The following PREX1 variants were observed in gnomAD, a reference collection of about 807,000 sequenced individuals.
PREX1 encodes phosphatidylinositol-3,4,5-trisphosphate dependent Rac exchange factor 1, also known as phosphatidylinositol 3,4,5-trisphosphate-dependent Rac exchanger 1 protein.
PREX1 carries 41 observed loss-of-function variants against 198.3 expected under a neutral mutation model. The observed-to-expected ratio is 0.21, with a 90% CI of 0.16 to 0.27. The LOEUF is 0.27. Ranked by LOEUF, PREX1 falls within the 10% of genes least tolerant of loss-of-function variation. The pLI, the probability that PREX1 is intolerant of heterozygous loss-of-function variation, is 1.00. For missense variants in PREX1, 1,620 were observed against 2,200.7 expected (o/e 0.74, Z 5.28); for synonymous variants, 843 against 887.2 (o/e 0.95, Z 0.89).
At chr20:48,833,907 C>A in the PREX1 span, among the ~76,000 whole-genome samples, 1 of 152,078 alleles carries the variant, frequency 6.6e-6, no homozygotes, top group East Asian at 1.9e-4. Flanking sequence ...CACGGTGAAA[C>A]CCCATCTTTA....
chr20:48,856,592 C>A, the PREX1 span, among the ~76,000 whole-genome samples: 1 of 152,340 alleles, frequency 6.6e-6, no homozygotes, highest in Middle Eastern at 3.4e-3. Context: ...CTGAACCATC[C>A]CATTCCCAGG....
chr20:48,846,447 C>T, the PREX1 span, among the ~76,000 whole-genome samples: 61 of 152,206 alleles, frequency 4.0e-4, no homozygotes, highest in African/African-American at 1.4e-3. Context: ...GGGATGTCCT[C>T]GCTGTCTCCT....
chr20:48,709,631 G>A (rs562686575), intron 5 of PREX1, among the ~76,000 whole-genome samples: 3 of 152,204 alleles, frequency 2.0e-5, no homozygotes, highest in Non-Finnish European at 4.4e-5. Context: ...CTAAGGCCTC[G>A]AAGAAGTACA....
intron 1 of PREX1, among the ~76,000 whole-genome samples, chr20:48,755,978 C>G (rs1040756922): frequency 3.9e-5 from 6 of 152,232 alleles, no homozygotes; most frequent in African/African-American, 1.4e-4. Context: ...ACCCCATCAC[C>G]TGCCCCAATC....
chr20:48,824,902 A>G (rs992624831), intron 1 of PREX1, among the ~76,000 whole-genome samples: 3 of 152,140 alleles, frequency 2.0e-5, no homozygotes, highest in African/African-American at 7.2e-5. Flanking sequence ...CCAAGGACAC[A>G]CGGAGACCAG....
chr20:48,809,715 C>T (rs1441458829), intron 1 of PREX1, among the ~76,000 whole-genome samples: 1 of 152,148 alleles, frequency 6.6e-6, no homozygotes, highest in Non-Finnish European at 1.5e-5. Flanking sequence ...CAAACCTGAC[C>T]GGGATGGTAT....
rs985971329 is a variant in PREX1 at position 48,691,789 on chromosome 20, A to G, written c.1037-693T>C. On this transcript the variant is annotated intron_variant, in intron 8 of 39. Transcript: ENST00000371941. The surrounding 1 kb of genome is among the most constrained non-coding windows in gnomAD (Gnocchi z 5.0). ...TTCACGTGACGGAACACTCTGCAGC[A>G]ATGGAAACCAACAGGCTGCAAACAG... 6.6e-6 allele frequency among the ~76,000 whole-genome samples: 1 copy of G among 152,364 alleles called. No homozygotes were observed. Among genetic ancestry groups the G allele is most frequent in the African/African-American group, 2.4e-5 (1 of 41,592 alleles).
chr20:48,857,737 C>T, the PREX1 span, among the ~76,000 whole-genome samples: 3 of 152,224 alleles, frequency 2.0e-5, no homozygotes, highest in Non-Finnish European at 2.9e-5. Context: ...TTCGCCACTG[C>T]ACTCCAGCCT....
At chr20:48,813,505 T>C (rs770457403) in intron 1 of PREX1, among the ~76,000 whole-genome samples, 3 of 152,196 alleles carry the variant, frequency 2.0e-5, no homozygotes, top group Admixed American at 6.5e-5. Flanking sequence ...AGTATAAATG[T>C]TGACTTGCCT....
intron 5 of PREX1, among the ~76,000 whole-genome samples, chr20:48,725,041 A>G (rs1024316727): frequency 6.6e-6 from 1 of 152,216 alleles, no homozygotes; most frequent in Admixed American, 6.5e-5. Context: ...TGCGCACAGC[A>G]AAGTCCTGTG....
intron 15 of PREX1, 58 bp from the exon 16 acceptor site, chr20:48,660,119 G>A: frequency 6.3e-7 from 1 of 1,599,294 alleles, no homozygotes; most frequent in Non-Finnish European, 8.5e-7. Flanking sequence ...TTTCAGCCAT[G>A]TTTGCCAACT....
the PREX1 span, among the ~76,000 whole-genome samples, chr20:48,855,775 G>A: frequency 6.6e-6 from 1 of 152,204 alleles, no homozygotes; most frequent in Non-Finnish European, 1.5e-5. Context: ...GCATGTGCCT[G>A]TAATCCCAGT....
chr20:48,730,929 G>A lies in PREX1; in HGVS notation c.519+3617C>T, dbSNP rs542366220. ...GAGGATGGCTTGAGTCTAGGATGTCGAGGCTGCAGTGGGCCATGATCAAGC... is the reference window on the plus strand; with the variant it reads ...GAGGATGGCTTGAGTCTAGGATGTCAAGGCTGCAGTGGGCCATGATCAAGC... On this transcript the variant is annotated intron_variant, in intron 4 of 39. Transcript: ENST00000371941. Among the ~76,000 whole-genome samples, 5 of 152,196 alleles carry A rather than the reference G, an allele frequency of 3.3e-5. No homozygotes were observed. In the East Asian group the frequency reaches 5.8e-4, roughly 18 times the overall value.
At chr20:48,699,056 G>A (rs1045976206) in intron 7 of PREX1, among the ~76,000 whole-genome samples, 1 of 151,964 alleles carries the variant, frequency 6.6e-6, no homozygotes, top group Non-Finnish European at 1.5e-5. Context: ...GGCTCAGGGA[G>A]GCCCTCTAGA....
At chr20:48,763,903 G>A (rs1200041712) in intron 1 of PREX1, among the ~76,000 whole-genome samples, 2 of 152,106 alleles carry the variant, frequency 1.3e-5, no homozygotes, top group East Asian at 3.9e-4. Flanking sequence ...TGCTTCCCAC[G>A]ATTGCCTCAT....
At chr20:48,876,034 A>G in the PREX1 span, among the ~76,000 whole-genome samples, 5 of 152,126 alleles carry the variant, frequency 3.3e-5, no homozygotes. Flanking sequence ...ATGGTTCGTA[A>G]TAACTTGGCA....
Position 48,681,412 on chromosome 20 carries a change from G to A in PREX1, c.1335-77C>T, listed in dbSNP as rs893592584. The A allele has an allele frequency of 2.2e-6, 3 of 1,370,144 alleles. No homozygotes were observed. In the African/African-American group the frequency reaches 4.3e-5, roughly 20 times the overall value. The allele number at this position is 1,370,144 out of a possible 1,614,324, so 84.9% of individuals were successfully genotyped here. On this transcript the variant is annotated intron_variant, in intron 10 of 39. Coordinates refer to ENST00000371941, the MANE Select transcript of PREX1 (RefSeq NM_020820.4). ...CAGGAATCAGCACTAAGCTGGCCTG[G>A]CCACATCCACCCCTGGGAATGACAG...
intron 1 of PREX1, among the ~76,000 whole-genome samples, chr20:48,794,296 T>C (rs73260214): frequency 4.0e-5 from 6 of 151,700 alleles, no homozygotes; most frequent in Non-Finnish European, 8.8e-5. Flanking sequence ...CAGAGGGAGA[T>C]AGGGGCACAG....
chr20:48,811,369 C>T (rs1386629700), intron 1 of PREX1, among the ~76,000 whole-genome samples: 2 of 152,098 alleles, frequency 1.3e-5, no homozygotes, highest in Non-Finnish European at 2.9e-5. Flanking sequence ...CACATATGAG[C>T]CTAACCTGGA....
Sources: allele counts gnomAD v4.1 joint callset (sites outside exome capture counted in the v4.1 genomes callset), GRCh38; gene constraint gnomAD v4.1.1; non-coding constraint Gnocchi (gnomAD v3.1); transcripts MANE v1.5; gene names NCBI Gene and HGNC (gene_info 2026-07-23, HGNC 2026-07-21).